GJA8: variants seen among roughly 807,000 people sequenced by gnomAD.
The protein encoded by GJA8 is gap junction protein alpha 8, also known as gap junction alpha-8 protein.
In GJA8, 13 loss-of-function variants were observed where a neutral mutation model predicts 15.3. The ratio of observed to expected loss-of-function variants is 0.85; its 90% CI spans 0.55 to 1.35. The LOEUF is 1.35. GJA8 is among the 40% of genes most tolerant of loss of function. GJA8 has a pLI of 0.00. For missense variants in GJA8, 607 were observed against 553.3 expected, an observed-to-expected ratio of 1.10 and a Z score of -0.97; for synonymous variants, 304 against 238.7, an observed-to-expected ratio of 1.27 and a Z score of -2.52.
At chr1:147,909,300 G>A (rs782219669), downstream of GJA8, 1 of 1,370,048 alleles carries the variant, frequency 7.3e-7, no homozygotes, top group African/African-American at 1.4e-5. Context: ...AGCTTACGTA[G>A]GGCAAGATGA....
At position 147,908,321 on chromosome 1, in the gene GJA8, C is replaced by A. The variant is rs782125496; in HGVS notation, c.366C>A (p.Gly122=). The change falls in exon 2 of 2, where the codon GGC becomes GGA. Residue 122 remains glycine, a synonymous_variant. Coordinates refer to ENST00000369235, the MANE Select transcript of GJA8 (RefSeq NM_005267.5). The part of the protein sequence containing the change: ...EELGQQAGTN[G]GPDQGSVKKS... ...TGGGCCAGCAGGCGGGGACTAACGG[C>A]GGCCCGGACCAGGGCAGCGTCAAGA... 1 of 1,614,186 alleles carries A rather than the reference C, an allele frequency of 6.2e-7. No individual in the cohort carries two copies. Among genetic ancestry groups the A allele is most frequent in the African/African-American group, 1.3e-5 (1 of 75,060 alleles).
intron 1 of GJA8, among the ~76,000 whole-genome samples, chr1:147,907,489 GA>G (rs2149014984): frequency 6.6e-6 from 1 of 152,210 alleles, no homozygotes; most frequent in Admixed American, 6.5e-5. Flanking sequence ...ATACATACAA[GA>G]ATTGTGTTGG....
rs782014995 is a variant in GJA8 at position 147,908,376 on chromosome 1, T to C, written c.421T>C (p.Phe141Leu). 1.2e-6 allele frequency: 2 copies of C among 1,614,144 alleles called. No individual in the cohort carries two copies. The highest frequency in any genetic ancestry group is 2.2e-5 in the South Asian group (2 of 91,072). Residue 141 changes from phenylalanine to leucine, a missense_variant, in exon 2 of 2, where the codon TTC becomes CTC. Transcript: ENST00000369235. ...CAGCGGCAGCAAAGGCACTAAGAAGTTCCGGCTGGAGGGGACCCTGCTGAG... is the reference window on the plus strand; with the variant it reads ...CAGCGGCAGCAAAGGCACTAAGAAGCTCCGGCTGGAGGGGACCCTGCTGAG... ...KSSGSKGTKK[F>L]RLEGTLLRTY...
chr1:147,909,633 C>G (rs1266576320), downstream of GJA8, among the ~76,000 whole-genome samples: 2 of 152,204 alleles, frequency 1.3e-5, no homozygotes, highest in African/African-American at 4.8e-5. Flanking sequence ...AAGCCAGAAT[C>G]TATCATCCCA....
downstream of GJA8, among the ~76,000 whole-genome samples, chr1:147,909,783 G>A (rs1261828740): frequency 1.3e-5 from 2 of 152,214 alleles, no homozygotes; most frequent in African/African-American, 4.8e-5. Flanking sequence ...AAGTTGGAAA[G>A]CAGGGGCAGC....
At chr1:147,906,930 G>C (rs1368460936) in intron 1 of GJA8, among the ~76,000 whole-genome samples, 1 of 151,834 alleles carries the variant, frequency 6.6e-6, no homozygotes, top group East Asian at 1.9e-4. Context: ...TGTTGCCCAG[G>C]ATGGAGTATA....
rs377042749 is a variant in GJA8, at chr1:147,909,119, G to A, written c.1164G>A (p.Ser388=). 65 of 1,613,816 alleles carry A rather than the reference G, an allele frequency of 4.0e-5. No homozygotes were observed. Among genetic ancestry groups the A allele is most frequent in the Non-Finnish European group, 4.9e-5 (58 of 1,179,946 alleles). The change falls in exon 2 of 2, where the codon TCG becomes TCA. Residue 388 remains serine (S), a synonymous_variant. Transcript: ENST00000369235. ...DKEGEKEEPQ[S]EKVSKQGLPA... is the part of the protein sequence containing the mutation. ...AGGGTGAAAAAGAAGAGCCGCAGTC[G>A]GAGAAGGTGTCAAAGCAAGGGCTGC... is the stretch of plus-strand genomic sequence containing the variant.
chr1:147,908,719 T>C lies in GJA8; in HGVS notation c.764T>C (p.Ile255Thr). 2 of 1,614,154 alleles carry C rather than the reference T, an allele frequency of 1.2e-6. No homozygotes were observed. Among genetic ancestry groups the C allele is most frequent in the Non-Finnish European group, 1.7e-6 (2 of 1,180,010 alleles). ...ATTCCTGAGAAATCCCTCCACTCCA[T>C]TGCTGTCTCCTCCATCCAGAAAGCC... The part of the protein sequence containing the change: ...GEIPEKSLHS[I>T]AVSSIQKAKG... Residue 255 changes from isoleucine to threonine, a missense_variant, in exon 2 of 2, where the codon ATT (isoleucine) becomes ACT (threonine). Transcript: ENST00000369235.
At position 147,907,989 on chromosome 1, in the gene GJA8, G is replaced by A. The variant is rs1553242511; in HGVS notation, c.34G>A (p.Glu12Lys). ...CTGGAGTTTCCTGGGGAACATCTTG[G>A]AGGAGGTGAATGAGCACTCCACCGT... is the stretch of plus-strand genomic sequence containing the variant. ...GDWSFLGNIL[E>K]EVNEHSTVIG... is the part of the protein sequence containing the mutation. The change falls in exon 2 of 2, where the codon GAG (glutamate) becomes AAG (lysine). Residue 12 changes from glutamate (E) to lysine (K), a missense_variant. Glu to Lys is a moderately conservative substitution (Grantham distance 56, BLOSUM62 1). Transcript: ENST00000369235. The A allele has an allele frequency of 1.2e-6, 2 of 1,613,918 alleles. No homozygotes were observed. The highest frequency in any genetic ancestry group is 2.2e-5 in the East Asian group (1 of 44,884).
downstream of GJA8, among the ~76,000 whole-genome samples, chr1:147,912,674 T>A (rs1043219912): frequency 2.0e-5 from 3 of 152,074 alleles, no homozygotes; most frequent in African/African-American, 7.2e-5. Context: ...CCTTGTTAGA[T>A]AAAAACCCTA....
Position 147,909,252 on chromosome 1 carries a change from G to C in GJA8, c.1297G>C (p.Val433Leu), listed in dbSNP as rs782206624. 219 of 1,067,418 alleles carry C rather than the reference G, an allele frequency of 2.1e-4. No homozygotes were observed. Among genetic ancestry groups the C allele is most frequent in the Non-Finnish European group, 2.9e-4 (212 of 725,496 alleles). 66.1% of individuals were successfully genotyped at this position (1,067,418 alleles called of 1,614,324 possible). A position where few individuals can be genotyped will look rare whatever the true frequency, so the allele number is the denominator to read the frequency against. ...CCGAGCCAGGTCAGACGATCTAACC[G>C]TATGAAGTGACGCCAAAGAAAAAAA... is the stretch of plus-strand genomic sequence containing the variant. ...SSRARSDDLT[V>L] The change falls in exon 2 of 2, where the codon GTA (valine) becomes CTA (leucine). Residue 433 changes from valine to leucine, a missense_variant. Coordinates refer to ENST00000369235, the MANE Select transcript of GJA8 (RefSeq NM_005267.5).
At position 147,908,971 on chromosome 1, in the gene GJA8, A is replaced by T. The variant is rs781871271; in HGVS notation, c.1016A>T (p.Glu339Val). 7 of 1,600,930 alleles carry T rather than the reference A, an allele frequency of 4.4e-6. No individual in the cohort carries two copies. In the Admixed American group the frequency reaches 1.2e-4, roughly 28 times the overall value. The change falls in exon 2 of 2, where the codon GAG (glutamate) becomes GTG (valine). Residue 339 changes from glutamate (E) to valine (V), a missense_variant. Physicochemically the swap from Glu to Val is moderately radical, Grantham distance 121. Transcript: ENST00000369235. ...GTGGAGGGCGAGGGGCCGCCTGCAG[A>T]GGAGGGAGCCGAACCCGAGGTGGGA... ...QEVEGEGPPA[E>V]EGAEPEVGEK...
At position 147,908,937 on chromosome 1, in the gene GJA8, G is replaced by T. The variant is rs1651955678; in HGVS notation, c.982G>T (p.Ala328Ser). The change falls in exon 2 of 2, where the codon GCA becomes TCA. Residue 328 changes from alanine to serine, a missense_variant. Coordinates refer to ENST00000369235, the MANE Select transcript of GJA8 (RefSeq NM_005267.5). ...ACTGCCTTCCTACGCTCAGGTGGGG[G>T]CACAAGAAGTGGAGGGCGAGGGGCC... ...ETLPSYAQVG[A>S]QEVEGEGPPA... 1.9e-6 allele frequency: 3 copies of T among 1,609,594 alleles called. No individual in the cohort carries two copies. The highest frequency in any genetic ancestry group is 1.7e-5 in the Admixed American group (1 of 59,576).
Position 147,908,027 on chromosome 1 carries a change from C to G in GJA8, c.72C>G (p.Val24=), listed in dbSNP as rs1553242524. 5 of 1,613,942 alleles carry G rather than the reference C, an allele frequency of 3.1e-6. No homozygotes were observed. The South Asian group carries it at 4.4e-5, about 14-fold the overall frequency. ...VNEHSTVIGR[V]WLTVLFIFRI... is the part of the protein sequence containing the mutation. ...AGCACTCCACCGTCATCGGCAGAGT[C>G]TGGCTCACCGTGCTTTTCATCTTCC... The change falls in exon 2 of 2, where the codon GTC becomes GTG. Residue 24 remains valine, a synonymous_variant. Transcript: ENST00000369235.
At chr1:147,914,119 A>T (rs1652289423), downstream of GJA8, among the ~76,000 whole-genome samples, 1 of 152,184 alleles carries the variant, frequency 6.6e-6, no homozygotes, top group African/African-American at 2.4e-5. Flanking sequence ...TGGGAACCGA[A>T]TACCACATAA....
At chr1:147,909,286 C>A (rs782743421), downstream of GJA8, 1 of 1,266,716 alleles carries the variant, frequency 7.9e-7, no homozygotes, top group Non-Finnish European at 1.2e-6. Context: ...AAAAAAAACG[C>A]CCAAGCTTAC....
chr1:147,908,157 G>A lies in GJA8; in HGVS notation c.202G>A (p.Glu68Lys), dbSNP rs1476142873. 1.9e-6 allele frequency: 3 copies of A among 1,614,208 alleles called. No homozygotes were observed. Among genetic ancestry groups the A allele is most frequent in the Admixed American group, 1.7e-5 (1 of 60,034 alleles). The change falls in exon 2 of 2, where the codon GAG becomes AAG. Residue 68 changes from glutamate (E) to lysine (K), a missense_variant. Transcript: ENST00000369235. ...QPGCENVCYD[E>K]AFPISHIRLW... ...TGGCTGCGAGAACGTCTGCTACGAC[G>A]AGGCCTTTCCCATCTCCCACATTCG...
rs900423232 is a variant in GJA8 at position 147,908,326 on chromosome 1, C to T, written c.371C>T (p.Pro124Leu). ...CAGCAGGCGGGGACTAACGGCGGCC[C>T]GGACCAGGGCAGCGTCAAGAAGAGC... ...LGQQAGTNGGPDQGSVKKSSG... is the reference protein window; with the variant it reads ...LGQQAGTNGGLDQGSVKKSSG... The change falls in exon 2 of 2, where the codon CCG becomes CTG. Residue 124 changes from proline to leucine, a missense_variant. Coordinates refer to ENST00000369235, the MANE Select transcript of GJA8 (RefSeq NM_005267.5). 9 of 1,614,072 alleles carry T rather than the reference C, an allele frequency of 5.6e-6. No individual in the cohort carries two copies. The highest frequency in any genetic ancestry group is 7.6e-6 in the Non-Finnish European group (9 of 1,180,044).
chr1:147,913,669 T>C (rs964342889), downstream of GJA8, among the ~76,000 whole-genome samples: 1 of 152,154 alleles, frequency 6.6e-6, no homozygotes, highest in Admixed American at 6.5e-5. Context: ...TCATTAGGCG[T>C]GCTCTAAGTA....
Sources: gnomAD v4.1 joint callset for allele counts (sites outside exome capture counted in the v4.1 genomes callset) on GRCh38, gnomAD v4.1.1 for gene constraint, MANE v1.5 for transcripts, NCBI Gene and HGNC (gene_info 2026-07-23, HGNC 2026-07-21) for gene names.